Variants in DLGAP2 observed in about 807,000 individuals in gnomAD.
DLGAP2 encodes the protein DLG associated protein 2, also known as disks large-associated protein 2.
In DLGAP2, 26 loss-of-function variants were observed where a neutral mutation model predicts 100.3. That is an observed-to-expected ratio of 0.26 (90% CI 0.19 to 0.36). The LOEUF (loss-of-function observed/expected upper bound fraction) is 0.36. Ranked by LOEUF, DLGAP2 falls within the 10% of genes least tolerant of loss-of-function variation. The pLI, the probability that DLGAP2 is intolerant of heterozygous loss-of-function variation, is 1.00. For missense variants in DLGAP2, 1,858 were observed against 1,453.2 expected (o/e 1.28, Z -4.53); for synonymous variants, 886 against 630.1 (o/e 1.41, Z -6.08).
intron 2 of DLGAP2, among the ~76,000 whole-genome samples, chr8:1,010,417 C>A (rs1801246325): frequency 6.6e-6 from 1 of 152,216 alleles, no homozygotes; most frequent in Non-Finnish European, 1.5e-5. Flanking sequence ...CACATACACA[C>A]ATGTGCCCAC....
chr8:805,632 C>T (rs376164219), intron 1 of DLGAP2, among the ~76,000 whole-genome samples: 29 of 152,124 alleles, frequency 1.9e-4, no homozygotes, highest in African/African-American at 5.3e-4. Context: ...TTTTGGGACA[C>T]GGTCTCTTTC....
intron 6 of DLGAP2, among the ~76,000 whole-genome samples, chr8:1,574,236 C>T (rs868126844): frequency 3.9e-5 from 6 of 152,114 alleles, no homozygotes; most frequent in Non-Finnish European, 2.9e-5. Context: ...ACAGGTTCTG[C>T]GTCACCAGAT....
chr8:1,631,162 C>A (rs1797635382), intron 7 of DLGAP2, among the ~76,000 whole-genome samples: 1 of 152,108 alleles, frequency 6.6e-6, no homozygotes, highest in Non-Finnish European at 1.5e-5. Context: ...GAGGAGTCAC[C>A]TTCATGTCTA....
intron 3 of DLGAP2, among the ~76,000 whole-genome samples, chr8:1,335,981 T>A (rs539274928): frequency 6.6e-6 from 1 of 152,292 alleles, no homozygotes; most frequent in Non-Finnish European, 1.5e-5. Flanking sequence ...GCTTTGTGCT[T>A]TTTCCGGTAA....
chr8:1,173,193 G>A (rs1797169153), intron 2 of DLGAP2, among the ~76,000 whole-genome samples: 1 of 152,190 alleles, frequency 6.6e-6, no homozygotes, highest in African/African-American at 2.4e-5. Flanking sequence ...CCGCAGAACA[G>A]TGGTTTTTCG....
At chr8:1,452,520 G>A (rs1366661777) in intron 3 of DLGAP2, among the ~76,000 whole-genome samples, 2 of 152,220 alleles carry the variant, frequency 1.3e-5, no homozygotes, top group Non-Finnish European at 2.9e-5. Flanking sequence ...CTGAGCTTGT[G>A]GGACACTGGG....
At chr8:1,620,997 A>T (rs1007217333) in intron 6 of DLGAP2, 10 of 151,764 alleles carry the variant, frequency 6.6e-5, no homozygotes, top group African/African-American at 2.4e-4. Flanking sequence ...GCTGGCACAC[A>T]CTCTACATTT....
chr8:1,423,798 T>C (rs978635150), intron 3 of DLGAP2, among the ~76,000 whole-genome samples: 2 of 152,160 alleles, frequency 1.3e-5, no homozygotes, highest in Non-Finnish European at 2.9e-5. Context: ...ACTTGCAAGC[T>C]TCTAGTTGTT....
intron 3 of DLGAP2, among the ~76,000 whole-genome samples, chr8:1,379,081 C>A (rs1011409486): frequency 1.3e-5 from 2 of 152,244 alleles, no homozygotes; most frequent in Non-Finnish European, 2.9e-5. Context: ...GCTTAGTTAG[C>A]TTCTATGGCT....
chr8:1,484,092 T>C (rs901237734), intron 3 of DLGAP2, among the ~76,000 whole-genome samples: 4 of 152,190 alleles, frequency 2.6e-5, no homozygotes, highest in African/African-American at 9.6e-5. Context: ...GCCGGCTTCC[T>C]TCCTGGGAGC....
chr8:1,628,656 G>C (rs1797568419), intron 7 of DLGAP2, among the ~76,000 whole-genome samples: 2 of 145,568 alleles, frequency 1.4e-5, no homozygotes, highest in Admixed American at 1.4e-4. Flanking sequence ...CTGACTTACT[G>C]TGGAGCAGGA....
intron 1 of DLGAP2, among the ~76,000 whole-genome samples, chr8:769,868 G>A (rs1390441903): frequency 6.6e-6 from 1 of 152,192 alleles, no homozygotes; most frequent in African/African-American, 2.4e-5. Flanking sequence ...AAACATGAAA[G>A]ATGGAGTCAG....
intron 8 of DLGAP2, among the ~76,000 whole-genome samples, chr8:1,634,628 C>T (rs1293365500): frequency 2.6e-5 from 4 of 152,248 alleles, no homozygotes; most frequent in East Asian, 1.9e-4. Context: ...TGAAAAACAG[C>T]GGTCCAAGAG....
chr8:940,915 G>C (rs999497510), intron 2 of DLGAP2, among the ~76,000 whole-genome samples: 1 of 152,190 alleles, frequency 6.6e-6, no homozygotes, highest in Non-Finnish European at 1.5e-5. Context: ...CCAGCCCTGA[G>C]ATGTCCCCCA....
intron 3 of DLGAP2, among the ~76,000 whole-genome samples, chr8:1,469,068 C>A (rs969107314): frequency 5.9e-5 from 9 of 151,862 alleles, no homozygotes; most frequent in African/African-American, 1.9e-4. Flanking sequence ...GGACACAGTT[C>A]AACGCATGAC....
chr8:1,119,897 A>C (rs1795995399), intron 2 of DLGAP2, among the ~76,000 whole-genome samples: 1 of 152,066 alleles, frequency 6.6e-6, no homozygotes, highest in Non-Finnish European at 1.5e-5. Context: ...TGCTTTAGGG[A>C]CTTCTCACTA....
At chr8:1,186,291 A>G (rs1797502473) in intron 2 of DLGAP2, among the ~76,000 whole-genome samples, 1 of 152,206 alleles carries the variant, frequency 6.6e-6, no homozygotes, top group South Asian at 2.1e-4. Context: ...TTGGGGGCAG[A>G]TCCAGCGTAC....
intron 1 of DLGAP2, among the ~76,000 whole-genome samples, chr8:800,598 C>T (rs780287286): frequency 7.2e-5 from 11 of 152,136 alleles, no homozygotes; most frequent in Admixed American, 7.2e-4. Flanking sequence ...CCTTGTGCAC[C>T]TGCATGTGTG....
At chr8:1,304,020 C>T (rs1189404844) in intron 3 of DLGAP2, among the ~76,000 whole-genome samples, 1 of 152,240 alleles carries the variant, frequency 6.6e-6, no homozygotes, top group Non-Finnish European at 1.5e-5. Flanking sequence ...CTTAGCCACT[C>T]AGCCTTTTCC....
Sources: allele counts gnomAD v4.1 joint callset (sites outside exome capture counted in the v4.1 genomes callset), GRCh38; gene constraint gnomAD v4.1.1; transcripts MANE v1.5; gene names NCBI Gene and HGNC (gene_info 2026-07-23, HGNC 2026-07-21).